Variants in ST3GAL3 observed in about 807,000 individuals in gnomAD.
ST3GAL3 encodes the protein ST3 beta-galactoside alpha-2,3-sialyltransferase 3.
In ST3GAL3, 21 loss-of-function variants were observed where a neutral mutation model predicts 50.1. The observed-to-expected ratio is 0.42, with a 90% CI of 0.30 to 0.60. The LOEUF (loss-of-function observed/expected upper bound fraction) is 0.60, where lower values mean the gene tolerates loss of function less well. Among genes scored for constraint, ST3GAL3 ranks in the 20% least tolerant of loss-of-function variants. The pLI, the probability that ST3GAL3 is intolerant of heterozygous loss-of-function variation, is 0.19. For missense variants in ST3GAL3, 353 were observed against 489.4 expected (o/e 0.72, Z 2.63); for synonymous variants, 183 against 190.0 (o/e 0.96, Z 0.30).
chr1:43,788,098 C>A (rs532467809), intron 2 of ST3GAL3, among the ~76,000 whole-genome samples: 1 of 152,290 alleles, frequency 6.6e-6, no homozygotes, highest in African/African-American at 2.4e-5. Context: ...GCAAGTAATA[C>A]ATGTTTACTG....
chr1:43,760,881 G>A (rs996673930), intron 2 of ST3GAL3, among the ~76,000 whole-genome samples: 2 of 152,188 alleles, frequency 1.3e-5, no homozygotes, highest in Non-Finnish European at 2.9e-5. Flanking sequence ...ACGATGGACT[G>A]TTCTGCAATA....
chr1:43,821,139 G>C (rs2062036010), intron 4 of ST3GAL3, among the ~76,000 whole-genome samples: 2 of 152,148 alleles, frequency 1.3e-5, no homozygotes, highest in African/African-American at 2.4e-5. Context: ...AGCTTGATTG[G>C]AAAGGCTATC....
intron 3 of ST3GAL3, among the ~76,000 whole-genome samples, chr1:43,803,014 C>T (rs2059480376): frequency 6.6e-6 from 1 of 152,118 alleles, no homozygotes; most frequent in South Asian, 2.1e-4. Flanking sequence ...CAGCCTCCAC[C>T]TCCCGGGTTC....
intron 5 of ST3GAL3, among the ~76,000 whole-genome samples, chr1:43,854,228 G>C (rs1338306154): frequency 6.6e-6 from 1 of 152,152 alleles, no homozygotes; most frequent in Admixed American, 6.5e-5. Flanking sequence ...ACTTGCTACA[G>C]TTACCTTCTC....
At chr1:43,744,711 AAATAT>A (rs1161557327) in intron 2 of ST3GAL3, among the ~76,000 whole-genome samples, 1 of 148,844 alleles carries the variant, frequency 6.7e-6, no homozygotes, top group African/African-American at 2.5e-5. Context: ...AAATAAAATA[AAATAT>A]AATAGCCTGG....
At chr1:43,800,073 G>A (rs1049250548) in intron 3 of ST3GAL3, among the ~76,000 whole-genome samples, 1 of 151,958 alleles carries the variant, frequency 6.6e-6, no homozygotes, top group African/African-American at 2.4e-5. Context: ...TGCTCCCTTG[G>A]CCCCCAGTAT....
chr1:43,766,523 G>C (rs1417150666), intron 2 of ST3GAL3, among the ~76,000 whole-genome samples: 1 of 152,202 alleles, frequency 6.6e-6, no homozygotes, highest in Admixed American at 6.5e-5. Flanking sequence ...ACCTGGGAAA[G>C]TGCTCTAGCA....
intron 5 of ST3GAL3, among the ~76,000 whole-genome samples, chr1:43,870,392 C>CA: frequency 6.6e-6 from 1 of 152,356 alleles, no homozygotes; most frequent in East Asian, 1.9e-4. Flanking sequence ...CAGGCCGTCA[C>CA]AATCACAGGC....
intron 9 of ST3GAL3, among the ~76,000 whole-genome samples, chr1:43,917,648 TA>T (rs1458499149): frequency 3.6e-4 from 25 of 69,966 alleles, no homozygotes; most frequent in Non-Finnish European, 6.3e-4. Context: ...ATATAATATA[TA>T]ATATAATATA....
chr1:43,717,307 G>A (rs79570563), intron 1 of ST3GAL3, among the ~76,000 whole-genome samples: 1 of 152,126 alleles, frequency 6.6e-6, no homozygotes, highest in Non-Finnish European at 1.5e-5. Flanking sequence ...GGCATAGCTG[G>A]TAGCATAGTT....
chr1:43,929,368 G>A (rs1354767836), intron 11 of ST3GAL3, among the ~76,000 whole-genome samples: 3 of 151,376 alleles, frequency 2.0e-5, no homozygotes, highest in Non-Finnish European at 4.4e-5. Context: ...GCAGTGGCGC[G>A]ATCTCGGCTC....
At chr1:43,761,750 ACC>A (rs1216331659) in intron 2 of ST3GAL3, among the ~76,000 whole-genome samples, 1 of 151,426 alleles carries the variant, frequency 6.6e-6, no homozygotes, top group African/African-American at 2.4e-5. Flanking sequence ...GGAGATCGAG[ACC>A]ATCCTGGCTA....
Position 43,923,880 on chromosome 1 carries a change from G to A in ST3GAL3, c.1038+2952G>A, listed in dbSNP as rs557704045. ...TCCTCCTGCCTTGGCCTCTCAAAGC[G>A]CTGGGATTATAGGCATGAGTCACTG... On this transcript the variant is annotated intron_variant, in intron 11 of 11. Transcript: ENST00000347631. Among the ~76,000 whole-genome samples the A allele has an allele frequency of 6.6e-5, 10 of 152,064 alleles. No homozygotes were observed. The South Asian group carries it at 1.2e-3, about 19-fold the overall frequency.
At chr1:43,743,954 A>G (rs72884978) in intron 2 of ST3GAL3, among the ~76,000 whole-genome samples, 11,804 of 151,786 alleles carry the variant, frequency 0.078, 1,518 homozygotes, top group African/African-American at 0.27. Context: ...TTACCATCAA[A>G]TGGATATGGG....
chr1:43,787,921 C>T (rs1295107986), intron 2 of ST3GAL3, among the ~76,000 whole-genome samples: 1 of 152,098 alleles, frequency 6.6e-6, no homozygotes, highest in East Asian at 1.9e-4. Flanking sequence ...TAAGGATGAC[C>T]TCAGTAATTA....
chr1:43,857,248 G>T (rs142877888), intron 5 of ST3GAL3, among the ~76,000 whole-genome samples: 370 of 152,284 alleles, frequency 2.4e-3, no homozygotes, highest in Non-Finnish European at 3.5e-3. Flanking sequence ...AGAATCAAAA[G>T]TGATATGAAC....
intron 6 of ST3GAL3, among the ~76,000 whole-genome samples, chr1:43,895,525 G>A (rs2077270644): frequency 6.6e-6 from 1 of 152,180 alleles, no homozygotes; most frequent in Non-Finnish European, 1.5e-5. Context: ...AGTTCCGTCA[G>A]CAGTTAAATG....
At chr1:43,733,348 C>T (rs559341535) in intron 1 of ST3GAL3, among the ~76,000 whole-genome samples, 2 of 152,330 alleles carry the variant, frequency 1.3e-5, no homozygotes, top group South Asian at 4.1e-4. Flanking sequence ...CTGAGTCTCA[C>T]CTGCTTCTCA....
intron 6 of ST3GAL3, among the ~76,000 whole-genome samples, chr1:43,896,557 A>T (rs1214559354): frequency 2.6e-5 from 4 of 152,008 alleles, no homozygotes; most frequent in Admixed American, 1.3e-4. Flanking sequence ...TTGTTTATAT[A>T]TGTTTGAGAC....
Sources: gnomAD v4.1 joint callset for allele counts (sites outside exome capture counted in the v4.1 genomes callset) on GRCh38, gnomAD v4.1.1 for gene constraint, MANE v1.5 for transcripts, NCBI Gene and HGNC (gene_info 2026-07-23, HGNC 2026-07-21) for gene names.